The following NTM variants were observed in gnomAD, a reference collection of about 807,000 sequenced individuals.
The protein encoded by NTM is neurotrimin.
NTM carries 13 observed loss-of-function variants against 42.1 expected under a neutral mutation model. The observed-to-expected ratio is 0.31, with a 90% CI of 0.20 to 0.49. The LOEUF (loss-of-function observed/expected upper bound fraction) is 0.49. NTM is among the 20% of genes least tolerant of loss of function. The probability of loss-of-function intolerance (pLI) is 0.99; values close to 1 mark genes in which losing one functional copy is unlikely to be tolerated. For missense variants in NTM, 373 were observed against 452.8 expected, an observed-to-expected ratio of 0.82 and a Z score of 1.60; for synonymous variants, 187 against 179.2, an observed-to-expected ratio of 1.04 and a Z score of -0.35.
intron 1 of NTM, among the ~76,000 whole-genome samples, chr11:131,422,196 G>A: frequency 9.8e-6 from 1 of 102,454 alleles, no homozygotes; most frequent in East Asian, 2.1e-4. Context: ...GGGATAGCTG[G>A]GACATCTGAG....
At chr11:132,327,775 C>T (rs538802273) in intron 7 of NTM, among the ~76,000 whole-genome samples, 84 of 151,902 alleles carry the variant, frequency 5.5e-4, no homozygotes, top group Middle Eastern at 3.4e-3. Flanking sequence ...TATTTTCTGT[C>T]CCCCTCTCCC....
At chr11:131,452,237 G>A (rs1224971831) in intron 1 of NTM, among the ~76,000 whole-genome samples, 1 of 152,230 alleles carries the variant, frequency 6.6e-6, no homozygotes, top group Admixed American at 6.5e-5. Flanking sequence ...CTCCCAAACT[G>A]CTGTGCTGCC....
In NTM at chr11:132,003,667, G is replaced by A. The variant is rs1289485595; in HGVS notation, c.167+92019G>A. 6.6e-6 allele frequency among the ~76,000 whole-genome samples: 1 copy of A among 151,654 alleles called. No homozygotes were observed. The highest frequency in any genetic ancestry group is 2.0e-4 in the East Asian group (1 of 5,120). ...CACTCAAGAAGAAAAGGCTTTTCCT[G>A]GTAGGTCTGTCTGTAGCTCAATCAC... On this transcript the variant is annotated intron_variant, in intron 2 of 8. Coordinates refer to ENST00000683400, the MANE Select transcript of NTM (RefSeq NM_001352005.2). The surrounding 1 kb of genome is among the most constrained non-coding windows in gnomAD (Gnocchi z 6.0).
intron 1 of NTM, among the ~76,000 whole-genome samples, chr11:131,451,455 T>C (rs569833648): frequency 6.6e-6 from 1 of 152,284 alleles, no homozygotes; most frequent in Admixed American, 6.5e-5. Flanking sequence ...TCTGGGCTCA[T>C]GTCTTAGAGA....
Position 131,733,802 on chromosome 11 carries a change from T to G in NTM, c.83-177762T>G, listed in dbSNP as rs376999735. On this transcript the variant is annotated intron_variant, in intron 1 of 8. Coordinates refer to ENST00000683400, the MANE Select transcript of NTM (RefSeq NM_001352005.2). ...ATCCACCTGCCTCGGCCTTCCAAAG[T>G]GCAGGAATTACAGGCATGAGCCATT... Among the ~76,000 whole-genome samples, 4 of 152,276 alleles carry G rather than the reference T, an allele frequency of 2.6e-5. No homozygotes were observed. The South Asian group carries it at 6.2e-4, about 24-fold the overall frequency.
chr11:131,868,367 C>T (rs926474220), intron 1 of NTM, among the ~76,000 whole-genome samples: 1 of 152,212 alleles, frequency 6.6e-6, no homozygotes, highest in African/African-American at 2.4e-5. Context: ...CCCACCTGAG[C>T]TCATTCAATG....
chr11:132,016,453 C>G (rs1159509794), intron 2 of NTM, among the ~76,000 whole-genome samples: 2 of 149,720 alleles, frequency 1.3e-5, no homozygotes, highest in Non-Finnish European at 3.0e-5. Context: ...TTTTTTGCAT[C>G]TGACTTCTTT....
chr11:132,291,699 G>A lies in NTM; in HGVS notation c.527-15990G>A, dbSNP rs1380151192. Among the ~76,000 whole-genome samples, 34 of 152,174 alleles carry A rather than the reference G, an allele frequency of 2.2e-4. 1 individual carries two copies. On this transcript the variant is annotated intron_variant, in intron 4 of 8. Transcript: ENST00000683400. ...AGATTTTGAAGGACTATCCAGAGAG[G>A]TGGTTGGGCAGTTAGGAGATTATGA...
intron 2 of NTM, chr11:131,981,639 A>G (rs2065254421): frequency 6.6e-6 from 1 of 152,162 alleles, no homozygotes; most frequent in Non-Finnish European, 1.5e-5. Context: ...ACAATATCCA[A>G]TATTTCTGTG....
chr11:132,134,725 A>G (rs1299238431), intron 2 of NTM, among the ~76,000 whole-genome samples: 1,414 of 62,848 alleles, frequency 0.022, 150 homozygotes, highest in Non-Finnish European at 0.03. Context: ...ATATATATAT[A>G]TATATATATA....
At chr11:131,833,044 C>G (rs916579404) in intron 1 of NTM, among the ~76,000 whole-genome samples, 2 of 152,202 alleles carry the variant, frequency 1.3e-5, no homozygotes, top group Non-Finnish European at 2.9e-5. Flanking sequence ...AAGTTTTTCT[C>G]TACAATAGTA....
chr11:131,663,856 C>G (rs1270454075), intron 1 of NTM, among the ~76,000 whole-genome samples: 1 of 152,192 alleles, frequency 6.6e-6, no homozygotes, highest in Non-Finnish European at 1.5e-5. Flanking sequence ...TTATCATCCT[C>G]TTCTTACAAA....
chr11:131,448,437 A>G (rs550565846), intron 1 of NTM, among the ~76,000 whole-genome samples: 207 of 152,276 alleles, frequency 1.4e-3, no homozygotes, highest in Non-Finnish European at 7.8e-4. Flanking sequence ...TCTTGAATAC[A>G]CACCTAAGCA....
At chr11:132,051,553 A>C (rs2078853527) in intron 2 of NTM, among the ~76,000 whole-genome samples, 1 of 152,136 alleles carries the variant, frequency 6.6e-6, no homozygotes, top group Non-Finnish European at 1.5e-5. Flanking sequence ...CATATCACTT[A>C]ATATTTTCCT....
chr11:132,012,170 G>C (rs2072351570), intron 2 of NTM, among the ~76,000 whole-genome samples: 1 of 152,008 alleles, frequency 6.6e-6, no homozygotes, highest in African/African-American at 2.4e-5. Context: ...GGGAAGAAAG[G>C]AAAAAGAGGG....
intron 1 of NTM, among the ~76,000 whole-genome samples, chr11:131,480,131 CTT>C (rs55747636): frequency 0.44 from 58,733 of 134,270 alleles, 12,755 homozygotes; most frequent in East Asian, 0.64. Flanking sequence ...ATCTTGATTA[CTT>C]TTTTTTTTTT....
In NTM at chr11:132,094,708, T is replaced by G. The variant is rs1257800541; in HGVS notation, c.168-51574T>G. On this transcript the variant is annotated intron_variant, in intron 2 of 8. Coordinates refer to ENST00000683400, the MANE Select transcript of NTM (RefSeq NM_001352005.2). ...CCTCCTCTTTCATTATGGTGATGAT[T>G]ATTATTTTTGTGGTTCCCATGGAAA... 6.6e-5 allele frequency among the ~76,000 whole-genome samples: 10 copies of G among 152,124 alleles called. 1 individual carries two copies. In the East Asian group the frequency reaches 1.5e-3, roughly 23 times the overall value.
chr11:131,845,808 T>C (rs2044832237), intron 1 of NTM, among the ~76,000 whole-genome samples: 2 of 152,144 alleles, frequency 1.3e-5, no homozygotes, highest in African/African-American at 4.8e-5. Flanking sequence ...CTTAATTTGC[T>C]AATGTTTACC....
chr11:132,269,229 G>T (rs1437642502), intron 4 of NTM, among the ~76,000 whole-genome samples: 1 of 152,196 alleles, frequency 6.6e-6, no homozygotes, highest in Non-Finnish European at 1.5e-5. Flanking sequence ...TGCTTCGTAT[G>T]CATTCTATTG....
Sources: allele counts gnomAD v4.1 joint callset (sites outside exome capture counted in the v4.1 genomes callset), GRCh38; gene constraint gnomAD v4.1.1; non-coding constraint Gnocchi (gnomAD v3.1); transcripts MANE v1.5; gene names NCBI Gene and HGNC (gene_info 2026-07-23, HGNC 2026-07-21).